IGF2BP3: variants seen among roughly 807,000 people sequenced by gnomAD.
IGF2BP3 encodes insulin like growth factor 2 mRNA binding protein 3.
A neutral mutation model predicts 73.8 loss-of-function variants in IGF2BP3; 9 were observed. That is an observed-to-expected ratio of 0.12 (90% CI 0.07 to 0.21). IGF2BP3 has a LOEUF of 0.21. IGF2BP3 is among the 10% of genes least tolerant of loss of function. The pLI, the probability that IGF2BP3 is intolerant of heterozygous loss-of-function variation, is 1.00. For missense variants in IGF2BP3, 542 were observed against 714.0 expected, an observed-to-expected ratio of 0.76 and a Z score of 2.75; for synonymous variants, 258 against 256.7, an observed-to-expected ratio of 1.01 and a Z score of -0.05.
At chr7:23,368,648 A>G (rs1261213231) in intron 3 of IGF2BP3, among the ~76,000 whole-genome samples, 1 of 152,202 alleles carries the variant, frequency 6.6e-6, no homozygotes, top group Non-Finnish European at 1.5e-5. Flanking sequence ...CTGTAATCCC[A>G]GCACTTTGGA....
intron 2 of IGF2BP3, among the ~76,000 whole-genome samples, chr7:23,455,172 G>GCTC (rs1251287876): frequency 1.3e-5 from 2 of 152,184 alleles, no homozygotes; most frequent in African/African-American, 4.8e-5. Context: ...AAACTACTTA[G>GCTC]CTCCTAAAGT....
intron 3 of IGF2BP3, among the ~76,000 whole-genome samples, chr7:23,374,686 C>T (rs13229721): frequency 5.9e-5 from 9 of 151,636 alleles, no homozygotes; most frequent in East Asian, 3.9e-4. Flanking sequence ...CCAATAGTGA[C>T]GATGATGATG....
Position 23,405,981 on chromosome 7 carries a change from C to A in IGF2BP3, c.285+12795G>T, listed in dbSNP as rs148537649. Among the ~76,000 whole-genome samples the A allele has an allele frequency of 1.7e-3, 254 of 151,550 alleles. 2 individuals carry two copies. Among genetic ancestry groups the A allele is most frequent in the African/African-American group, 5.9e-3 (244 of 41,252 alleles). On this transcript the variant is annotated intron_variant, in intron 3 of 14. Coordinates refer to ENST00000258729, the MANE Select transcript of IGF2BP3 (RefSeq NM_006547.3). ...GGAAATATTAATGCTGGGTGATTAA[C>A]ACAGACTCTACAACCGGTGAGTTCT...
At chr7:23,388,751 T>C (rs529951687) in intron 3 of IGF2BP3, among the ~76,000 whole-genome samples, 5 of 152,114 alleles carry the variant, frequency 3.3e-5, no homozygotes, top group African/African-American at 1.2e-4. Flanking sequence ...GAATCTCAAA[T>C]GTCTTTAGTT....
In IGF2BP3 at chr7:23,354,675, G is replaced by A. The variant is rs187993804; in HGVS notation, c.402-3089C>T. ...ACTAACTTCTAACTTTTATTGTGCTGCTTTAAAAAGATTTTTCTTTGTGGG... is the reference window on the plus strand; with the variant it reads ...ACTAACTTCTAACTTTTATTGTGCTACTTTAAAAAGATTTTTCTTTGTGGG... On this transcript the variant is annotated intron_variant, in intron 5 of 14. Coordinates refer to ENST00000258729, the MANE Select transcript of IGF2BP3 (RefSeq NM_006547.3). Among the ~76,000 whole-genome samples the A allele has an allele frequency of 4.4e-3, 674 of 152,294 alleles. 8 individuals carry two copies. The highest frequency in any genetic ancestry group is 0.015 in the African/African-American group (628 of 41,554).
intron 2 of IGF2BP3, among the ~76,000 whole-genome samples, chr7:23,434,741 T>C (rs554731808): frequency 6.6e-6 from 1 of 152,278 alleles, no homozygotes; most frequent in Non-Finnish European, 1.5e-5. Context: ...CAGTCTCCAA[T>C]AGCAGCAAAT....
rs1295792322 is a variant in IGF2BP3, at chr7:23,319,132, C to T, written c.1320+6G>A. ...AACCAGAGAACCACAGCTGGTAGAA[C>T]AGTACCTTAATTGAAGCTCCAGCAA... On this transcript the variant is annotated splice_donor_region_variant and intron_variant, in intron 11 of 14. Coordinates refer to ENST00000258729, the MANE Select transcript of IGF2BP3 (RefSeq NM_006547.3). The T allele has an allele frequency of 5.1e-6, 8 of 1,580,060 alleles. No homozygotes were observed. The highest frequency in any genetic ancestry group is 6.1e-6 in the Non-Finnish European group (7 of 1,151,616).
At chr7:23,463,037 G>C (rs1021884811) in intron 2 of IGF2BP3, among the ~76,000 whole-genome samples, 1 of 152,114 alleles carries the variant, frequency 6.6e-6, no homozygotes, top group African/African-American at 2.4e-5. Context: ...GCCACCTCCT[G>C]TCTTATGACT....
At chr7:23,465,085 A>G (rs1006934608) in intron 2 of IGF2BP3, among the ~76,000 whole-genome samples, 3 of 152,196 alleles carry the variant, frequency 2.0e-5, no homozygotes, top group Non-Finnish European at 2.9e-5. Context: ...AACAGCCCAC[A>G]ACATAACAAA....
chr7:23,424,379 T>G (rs1325083845), intron 2 of IGF2BP3, among the ~76,000 whole-genome samples: 1 of 151,660 alleles, frequency 6.6e-6, no homozygotes, highest in African/African-American at 2.4e-5. Context: ...GCACCTGTAA[T>G]CTCAGCTACT....
chr7:23,354,664 T>C (rs973427626), intron 5 of IGF2BP3, among the ~76,000 whole-genome samples: 12 of 152,166 alleles, frequency 7.9e-5, no homozygotes, highest in Non-Finnish European at 1.0e-4. Context: ...ACTTCTAACT[T>C]TTATTGTGCT....
chr7:23,424,037 G>A (rs1390022265), intron 2 of IGF2BP3, among the ~76,000 whole-genome samples: 2 of 152,138 alleles, frequency 1.3e-5, no homozygotes, highest in Non-Finnish European at 2.9e-5. Context: ...AGAATTGCTT[G>A]AACCCGGGAG....
intron 10 of IGF2BP3, among the ~76,000 whole-genome samples, chr7:23,325,510 C>T (rs1364520414): frequency 6.6e-6 from 1 of 152,156 alleles, no homozygotes; most frequent in African/African-American, 2.4e-5. Context: ...AGGTAATTTA[C>T]AGATTCAATG....
intron 2 of IGF2BP3, among the ~76,000 whole-genome samples, chr7:23,462,362 TTC>T (rs1788468082): frequency 7.1e-6 from 1 of 140,546 alleles, no homozygotes; most frequent in Non-Finnish European, 1.6e-5. Flanking sequence ...CTAAGAATAT[TTC>T]TTTTTTTTTT....
At chr7:23,426,199 G>GC (rs1173337096) in intron 2 of IGF2BP3, among the ~76,000 whole-genome samples, 2 of 150,412 alleles carry the variant, frequency 1.3e-5, no homozygotes, top group East Asian at 4.0e-4. Context: ...TGGTGGCACA[G>GC]GCCTGTAATC....
In IGF2BP3 at chr7:23,310,564, G is replaced by A. The variant is rs571204389; in HGVS notation, c.*1798C>T. On this transcript the variant is annotated 3_prime_UTR_variant, in exon 15 of 15. Coordinates refer to ENST00000258729, the MANE Select transcript of IGF2BP3 (RefSeq NM_006547.3). Reference sequence around the variant, plus strand: ...TACCTGAAATCCAACCAGAAAGCCAGTCCATGATTTTAGCAATTTTAATTC... The same window carrying A: ...TACCTGAAATCCAACCAGAAAGCCAATCCATGATTTTAGCAATTTTAATTC... 1 of 152,160 alleles carries A rather than the reference G, an allele frequency of 6.6e-6. No individual in the cohort carries two copies. The highest frequency in any genetic ancestry group is 2.4e-5 in the African/African-American group (1 of 41,518). 9.4% of individuals were successfully genotyped at this position (152,160 alleles called of 1,614,324 possible).
chr7:23,325,219 CAA>C (rs1432557825), intron 10 of IGF2BP3, among the ~76,000 whole-genome samples: 1 of 152,160 alleles, frequency 6.6e-6, no homozygotes, highest in Admixed American at 6.5e-5. Context: ...GCAACTTCAG[CAA>C]AGTCTCAGGA....
At chr7:23,341,088 G>A (rs1784701308) in intron 10 of IGF2BP3, among the ~76,000 whole-genome samples, 1 of 152,016 alleles carries the variant, frequency 6.6e-6, no homozygotes, top group African/African-American at 2.4e-5. Flanking sequence ...GACCTCGGGT[G>A]ATCCTCCCGC....
Position 23,347,854 on chromosome 7 carries a change from C to G in IGF2BP3, c.684-120G>C, listed in dbSNP as rs1426962045. On this transcript the variant is annotated intron_variant, in intron 6 of 14. Transcript: ENST00000258729. Reference sequence around the variant, plus strand: ...AGGGCAAAGCAGATGACTCACTTCCCTCAAGAGCATAAACTTTCAATAAGC... The same window carrying G: ...AGGGCAAAGCAGATGACTCACTTCCGTCAAGAGCATAAACTTTCAATAAGC... The G allele has an allele frequency of 4.4e-6, 5 of 1,125,642 alleles. No individual in the cohort carries two copies. The Admixed American group carries it at 1.1e-4, about 24-fold the overall frequency. The allele number at this position is 1,125,642 out of a possible 1,614,324, so 69.7% of individuals were successfully genotyped here.
Sources: allele counts gnomAD v4.1 joint callset (sites outside exome capture counted in the v4.1 genomes callset), GRCh38; gene constraint gnomAD v4.1.1; transcripts MANE v1.5; gene names NCBI Gene and HGNC (gene_info 2026-07-23, HGNC 2026-07-21).